The following BNIP3L variants were observed in gnomAD, a reference collection of about 807,000 sequenced individuals.
BNIP3L encodes the protein BCL2 interacting protein 3 like, also known as BCL2/adenovirus E1B 19 kDa protein-interacting protein 3-like.
BNIP3L carries 10 observed loss-of-function variants against 25.5 expected under a neutral mutation model. That is an observed-to-expected ratio of 0.39 (90% CI 0.24 to 0.67). The LOEUF is 0.67. Among genes scored for constraint, BNIP3L ranks in the 30% least tolerant of loss-of-function variants. The pLI is 0.45. For missense variants in BNIP3L, 215 were observed against 270.9 expected (o/e 0.79, Z 1.45); for synonymous variants, 113 against 101.2 (o/e 1.12, Z -0.70).
rs1397123860 is a variant in BNIP3L, at chr8:26,383,144, T to C, written c.14T>C (p.Leu5Pro). The part of the protein sequence containing the change: MSSH[L>P]VEPPPPLHNN... ...AGCTGTCCGACAATGTCGTCCCACC[T>C]AGTCGAGCCGCCGCCGCCCCTGCAC... Residue 5 changes from leucine to proline, a missense_variant, in exon 1 of 6, where the codon CTA becomes CCA. Physicochemically the swap from Leu to Pro is moderately conservative, Grantham distance 98 (BLOSUM62 -3). Coordinates refer to ENST00000380629, the MANE Select transcript of BNIP3L (RefSeq NM_004331.3). 1.2e-6 allele frequency: 2 copies of C among 1,611,302 alleles called. No individual in the cohort carries two copies. The highest frequency in any genetic ancestry group is 2.2e-5 in the East Asian group (1 of 44,824).
chr8:26,396,192 C>T (rs1280285779), intron 3 of BNIP3L, among the ~76,000 whole-genome samples: 2 of 133,000 alleles, frequency 1.5e-5, no homozygotes, highest in South Asian at 2.9e-4. Flanking sequence ...AACAAAAAGA[C>T]AGCAGTAACC....
intron 1 of BNIP3L, among the ~76,000 whole-genome samples, chr8:26,385,410 A>G (rs1040507189): frequency 6.6e-6 from 1 of 151,934 alleles, no homozygotes; most frequent in African/African-American, 2.4e-5. Context: ...CAGCCTGGCC[A>G]ACATGGTGAG....
At chr8:26,404,009 A>G (rs940066233) in intron 3 of BNIP3L, among the ~76,000 whole-genome samples, 2 of 152,236 alleles carry the variant, frequency 1.3e-5, no homozygotes, top group Non-Finnish European at 2.9e-5. Context: ...CTACTGAACT[A>G]AGTAAATGAA....
At chr8:26,396,564 C>A (rs1450196735) in intron 3 of BNIP3L, among the ~76,000 whole-genome samples, 52 of 145,050 alleles carry the variant, frequency 3.6e-4, no homozygotes, top group African/African-American at 1.3e-3. Context: ...AAACACAGAG[C>A]GCCTCTCCTC....
At chr8:26,408,668 T>C (rs1253390562) in intron 5 of BNIP3L, among the ~76,000 whole-genome samples, 1 of 152,120 alleles carries the variant, frequency 6.6e-6, no homozygotes, top group African/African-American at 2.4e-5. Context: ...GGCCAGGAGT[T>C]CAAGACCAGC....
At chr8:26,390,230 A>G in intron 1 of BNIP3L, 1 of 532,776 alleles carries the variant, frequency 1.9e-6, no homozygotes, top group Non-Finnish European at 2.4e-6. Flanking sequence ...CTGGGATTAC[A>G]TGTGTGAGCC....
intron 1 of BNIP3L, among the ~76,000 whole-genome samples, chr8:26,389,543 A>G: frequency 6.6e-6 from 1 of 152,186 alleles, no homozygotes; most frequent in East Asian, 1.9e-4. Flanking sequence ...GCAGAGTCCT[A>G]AGGAATTGGT....
intron 2 of BNIP3L, among the ~76,000 whole-genome samples, chr8:26,393,553 C>T (rs1484317777): frequency 6.6e-6 from 1 of 151,774 alleles, no homozygotes; most frequent in African/African-American, 2.4e-5. Flanking sequence ...CTAATGCATT[C>T]CAAATTGTTA....
intron 1 of BNIP3L, among the ~76,000 whole-genome samples, chr8:26,384,560 T>C (rs931382859): frequency 6.6e-6 from 1 of 152,144 alleles, no homozygotes; most frequent in Non-Finnish European, 1.5e-5. Context: ...TTTAGCATAC[T>C]GTCTTAGATT....
intron 5 of BNIP3L, among the ~76,000 whole-genome samples, chr8:26,408,904 A>C (rs561588368): frequency 6.6e-6 from 1 of 151,492 alleles, no homozygotes; most frequent in East Asian, 1.9e-4. Flanking sequence ...AGATGTTCAT[A>C]ATAATCCCCT....
At chr8:26,383,290 C>A (rs924338700) in intron 1 of BNIP3L, 60 bp downstream of exon 1, 29 of 1,555,438 alleles carry the variant, frequency 1.9e-5, no homozygotes, top group African/African-American at 9.5e-5. Context: ...CCCCGGCCGC[C>A]GCCACCGGCG....
intron 1 of BNIP3L, among the ~76,000 whole-genome samples, chr8:26,388,001 C>G (rs764061222): frequency 1.3e-5 from 2 of 152,142 alleles, no homozygotes; most frequent in Non-Finnish European, 2.9e-5. Flanking sequence ...AAACGACTTA[C>G]AGAATATGTC....
At chr8:26,386,657 G>A (rs1483826087) in intron 1 of BNIP3L, among the ~76,000 whole-genome samples, 1 of 151,996 alleles carries the variant, frequency 6.6e-6, no homozygotes, top group African/African-American at 2.4e-5. Context: ...CTGGTCACCG[G>A]CTAACTTATT....
At chr8:26,387,717 A>G (rs1806022233) in intron 1 of BNIP3L, among the ~76,000 whole-genome samples, 1 of 152,192 alleles carries the variant, frequency 6.6e-6, no homozygotes, top group Admixed American at 6.5e-5. Context: ...ATGTATTTCC[A>G]TAGATGATAT....
At chr8:26,390,400 T>C (rs973725725) in intron 1 of BNIP3L, 1 of 985,330 alleles carries the variant, frequency 1.0e-6, no homozygotes, top group East Asian at 1.1e-4. Context: ...AAGAAAACTT[T>C]TCGTGTTTGC....
intron 1 of BNIP3L, among the ~76,000 whole-genome samples, chr8:26,386,756 G>T (rs1279855010): frequency 6.6e-6 from 1 of 152,094 alleles, no homozygotes; most frequent in Non-Finnish European, 1.5e-5. Flanking sequence ...CAATGTCCTT[G>T]CTTTCTTGTT....
chr8:26,403,723 A>G (rs977749978), intron 3 of BNIP3L, among the ~76,000 whole-genome samples: 2 of 150,894 alleles, frequency 1.3e-5, no homozygotes, highest in Non-Finnish European at 2.9e-5. Context: ...TTTTTTTTGT[A>G]TAGACAGAGT....
rs1309378983 is a variant in BNIP3L, at chr8:26,400,702, C to G, written c.357+5400C>G. 1.3e-4 allele frequency among the ~76,000 whole-genome samples: 10 copies of G among 79,072 alleles called. No homozygotes were observed. In the Admixed American group the frequency reaches 1.3e-3, roughly 10 times the overall value. 51.9% of individuals were successfully genotyped at this position (79,072 alleles called of 152,430 possible). On this transcript the variant is annotated intron_variant, in intron 3 of 5. Transcript: ENST00000380629. ...GCTAATATCCAGAATCTACAATGAA[C>G]TCAAACAAATTTACAAGAAAAAAAC...
At chr8:26,391,183 C>G in intron 1 of BNIP3L, 60 bp from the exon 2 acceptor site, 1 of 1,392,980 alleles carries the variant, frequency 7.2e-7, no homozygotes, top group Non-Finnish European at 9.7e-7. Context: ...ATGTTCACAT[C>G]TGTGTGCACA....
Sources: gnomAD v4.1 joint callset for allele counts (sites outside exome capture counted in the v4.1 genomes callset) on GRCh38, gnomAD v4.1.1 for gene constraint, MANE v1.5 for transcripts, NCBI Gene and HGNC (gene_info 2026-07-23, HGNC 2026-07-21) for gene names.